RNF220: variants seen among roughly 807,000 people sequenced by gnomAD.
The protein encoded by RNF220 is E3 ubiquitin-protein ligase RNF220.
In RNF220, 7 loss-of-function variants were observed where a neutral mutation model predicts 67.1. The observed-to-expected ratio is 0.10, with a 90% CI of 0.06 to 0.20. The LOEUF (loss-of-function observed/expected upper bound fraction) is 0.20, where lower values mean the gene tolerates loss of function less well. RNF220 is among the 10% of genes least tolerant of loss of function. The pLI is 1.00. For synonymous variants in RNF220, 270 were observed against 283.2 expected, an observed-to-expected ratio of 0.95 and a Z score of 0.47; for missense variants, 565 against 740.3, an observed-to-expected ratio of 0.76 and a Z score of 2.75.
chr1:44,631,117 T>C (rs1456817463), intron 5 of RNF220, among the ~76,000 whole-genome samples: 1 of 152,334 alleles, frequency 6.6e-6, no homozygotes, highest in East Asian at 1.9e-4. Flanking sequence ...CTTTGCCCAG[T>C]GCCATGCTGG....
intron 2 of RNF220, among the ~76,000 whole-genome samples, chr1:44,564,183 G>A (rs1322957230): frequency 6.6e-6 from 1 of 152,144 alleles, no homozygotes; most frequent in African/African-American, 2.4e-5. Flanking sequence ...ATAGCTATCA[G>A]AGAAATGTTT....
chr1:44,423,255 C>G (rs890076266), intron 2 of RNF220, among the ~76,000 whole-genome samples: 21 of 152,124 alleles, frequency 1.4e-4, no homozygotes, highest in African/African-American at 5.1e-4. Context: ...TAGCAGTTGG[C>G]TTTTTTGGAC....
intron 2 of RNF220, among the ~76,000 whole-genome samples, chr1:44,416,520 C>G (rs560984354): frequency 6.6e-6 from 1 of 152,358 alleles, no homozygotes; most frequent in Non-Finnish European, 1.5e-5. Flanking sequence ...CAGGCTGCCC[C>G]TGTGCCCAGA....
chr1:44,470,977 C>T (rs1185843961), intron 2 of RNF220, among the ~76,000 whole-genome samples: 1 of 152,158 alleles, frequency 6.6e-6, no homozygotes, highest in Non-Finnish European at 1.5e-5. Context: ...CATTGACCTC[C>T]ACCTCCACTA....
Position 44,412,447 on chromosome 1 carries a change from T to A in RNF220, c.350T>A (p.Val117Glu). Residue 117 changes from valine to glutamate, a missense_variant, in exon 2 of 15, where the codon GTG becomes GAG. Coordinates refer to ENST00000361799, the MANE Select transcript of RNF220 (RefSeq NM_018150.4). This position sits in a 1 kb window ranked among gnomAD's most constrained non-coding sequence, Gnocchi z 5.3. ...ATCAGTATGCTGAATCATAGTGGTGTGGGGGCTTTCCGGCCCTTTGCCTCC... is the reference window on the plus strand; with the variant it reads ...ATCAGTATGCTGAATCATAGTGGTGAGGGGGCTTTCCGGCCCTTTGCCTCC... ...TPISMLNHSGVGAFRPFASTE... is the reference protein window; with the variant it reads ...TPISMLNHSGEGAFRPFASTE... 1 of 1,611,838 alleles carries A rather than the reference T, an allele frequency of 6.2e-7. No homozygotes were observed. Among genetic ancestry groups the A allele is most frequent in the Non-Finnish European group, 8.5e-7 (1 of 1,178,126 alleles).
intron 2 of RNF220, among the ~76,000 whole-genome samples, chr1:44,596,010 C>T (rs953002786): frequency 2.6e-5 from 4 of 152,212 alleles, no homozygotes; most frequent in African/African-American, 7.2e-5. Flanking sequence ...ATGATCCGCC[C>T]ATCTCAGCCT....
intron 2 of RNF220, among the ~76,000 whole-genome samples, chr1:44,575,770 C>T (rs1175515357): frequency 6.6e-6 from 1 of 152,208 alleles, no homozygotes; most frequent in Non-Finnish European, 1.5e-5. Flanking sequence ...AATAGAACTA[C>T]CTTGCAATTC....
At chr1:44,433,079 G>A (rs1418778049) in intron 2 of RNF220, among the ~76,000 whole-genome samples, 1 of 151,842 alleles carries the variant, frequency 6.6e-6, no homozygotes, top group African/African-American at 2.4e-5. Context: ...ACAGGCGTGC[G>A]TCACTACACC....
At position 44,650,842 on chromosome 1, in the gene RNF220, C is replaced by A; in HGVS notation, c.*67C>A. The A allele has an allele frequency of 6.9e-7, 1 of 1,448,134 alleles. No individual in the cohort carries two copies. Among genetic ancestry groups the A allele is most frequent in the Non-Finnish European group, 9.7e-7 (1 of 1,036,082 alleles). The allele number at this position is 1,448,134 out of a possible 1,614,324, so 89.7% of individuals were successfully genotyped here. A position where few individuals can be genotyped will look rare whatever the true frequency, so the allele number is the denominator to read the frequency against. ...TGCCCCCAGCCTCTGTGACAGTGAC[C>A]GTCTCCCTTTGTACATACTTGCACA... is the stretch of plus-strand genomic sequence containing the variant. On this transcript the variant is annotated 3_prime_UTR_variant, in exon 15 of 15. Transcript: ENST00000361799. This position sits in a 1 kb window ranked among gnomAD's most constrained non-coding sequence, Gnocchi z 4.3.
intron 2 of RNF220, among the ~76,000 whole-genome samples, chr1:44,593,007 G>A (rs1353860872): frequency 6.6e-6 from 1 of 152,124 alleles, no homozygotes; most frequent in Non-Finnish European, 1.5e-5. Flanking sequence ...TTGATGGGGG[G>A]GATGGGCCCA....
intron 2 of RNF220, among the ~76,000 whole-genome samples, chr1:44,468,909 T>C (rs1257083898): frequency 7.2e-6 from 1 of 138,420 alleles, no homozygotes; most frequent in African/African-American, 2.7e-5. Context: ...AGAGCGAGAC[T>C]CTGTCTCAAA....
chr1:44,629,199 G>A (rs763116706), intron 5 of RNF220, among the ~76,000 whole-genome samples: 4 of 152,242 alleles, frequency 2.6e-5, no homozygotes, highest in South Asian at 2.1e-4. Flanking sequence ...TGCCAAAGCC[G>A]CAAGGCCTGT....
At chr1:44,581,368 C>G (rs1204061727) in intron 2 of RNF220, among the ~76,000 whole-genome samples, 1 of 152,214 alleles carries the variant, frequency 6.6e-6, no homozygotes, top group Non-Finnish European at 1.5e-5. Context: ...GCAGTGAGGC[C>G]AGTTGGACAG....
intron 2 of RNF220, among the ~76,000 whole-genome samples, chr1:44,418,564 C>T (rs757009664): frequency 6.6e-5 from 10 of 151,946 alleles, no homozygotes; most frequent in East Asian, 1.9e-4. Context: ...GGAACTCTTC[C>T]CACGGGAAGT....
chr1:44,429,490 G>A (rs1247985636), intron 2 of RNF220, among the ~76,000 whole-genome samples: 1 of 152,152 alleles, frequency 6.6e-6, no homozygotes, highest in East Asian at 1.9e-4. Flanking sequence ...AAATCGTAAG[G>A]GACATTTGTG....
At chr1:44,611,480 T>C (rs1643305395) in intron 2 of RNF220, among the ~76,000 whole-genome samples, 1 of 152,180 alleles carries the variant, frequency 6.6e-6, no homozygotes, top group Non-Finnish European at 1.5e-5. Context: ...TCAGACCCCA[T>C]GTCTGGGATC....
At chr1:44,518,895 A>AC (rs897484089) in intron 2 of RNF220, among the ~76,000 whole-genome samples, 50 of 152,160 alleles carry the variant, frequency 3.3e-4, no homozygotes, top group African/African-American at 9.4e-4. Flanking sequence ...AAAACAAAAA[A>AC]AAAAAAACTT....
At position 44,645,016 on chromosome 1, in the gene RNF220, C is replaced by A. The variant is rs1407830143; in HGVS notation, c.1245C>A (p.Ile415=). The change falls in exon 10 of 15, where the codon ATC becomes ATA. Residue 415 remains isoleucine (I), a synonymous_variant. Coordinates refer to ENST00000361799, the MANE Select transcript of RNF220 (RefSeq NM_018150.4). This position sits in a 1 kb window ranked among gnomAD's most constrained non-coding sequence, Gnocchi z 5.0. ...GKPQYTEADV[I]PCTGEEPGEA... is the part of the protein sequence containing the mutation. ...CCAGATACACAGAGGCTGATGTCAT[C>A]CCCTGCACAGGCGAGGAGCCTGGTG... 1 of 1,614,100 alleles carries A rather than the reference C, an allele frequency of 6.2e-7. No homozygotes were observed. Among genetic ancestry groups the A allele is most frequent in the Non-Finnish European group, 8.5e-7 (1 of 1,179,994 alleles).
chr1:44,437,622 A>G (rs1651112353), intron 2 of RNF220, among the ~76,000 whole-genome samples: 1 of 152,178 alleles, frequency 6.6e-6, no homozygotes, highest in Admixed American at 6.6e-5. Context: ...AGCTGTCGAT[A>G]TCCAGGGAGA....
Sources: allele counts gnomAD v4.1 joint callset (sites outside exome capture counted in the v4.1 genomes callset), GRCh38; gene constraint gnomAD v4.1.1; non-coding constraint Gnocchi (gnomAD v3.1); transcripts MANE v1.5; gene names NCBI Gene and HGNC (gene_info 2026-07-23, HGNC 2026-07-21).